The following TMEM87A variants were observed in gnomAD, a reference collection of about 807,000 sequenced individuals.
TMEM87A encodes transmembrane protein 87A, also known as Golgi-pH regulating cation channel.
TMEM87A carries 50 observed loss-of-function variants against 90.0 expected under a neutral mutation model. The observed-to-expected ratio is 0.56, with a 90% CI of 0.44 to 0.70. The LOEUF is 0.70. TMEM87A is among the 30% of genes least tolerant of loss of function. TMEM87A has a pLI of 0.00. For missense variants in TMEM87A, 577 were observed against 660.5 expected (o/e 0.87, Z 1.39); for synonymous variants, 226 against 226.7 (o/e 1.00, Z 0.03).
intron 10 of TMEM87A, 24 bp from the exon 11 acceptor site, chr15:42,233,330 T>G: frequency 6.3e-7 from 1 of 1,587,660 alleles, no homozygotes; most frequent in Non-Finnish European, 8.6e-7. Flanking sequence ...AAGGAGATAT[T>G]TGAGTACATA....
intron 10 of TMEM87A, among the ~76,000 whole-genome samples, chr15:42,234,103 AC>A (rs1026373109): frequency 6.6e-6 from 1 of 152,178 alleles, no homozygotes; most frequent in African/African-American, 2.4e-5. Context: ...CTTTTAAAAA[AC>A]ATCACCAAGA....
chr15:42,236,615 C>T (rs1254417959), intron 9 of TMEM87A, among the ~76,000 whole-genome samples, 196 bp from the exon 10 acceptor site: 1 of 152,198 alleles, frequency 6.6e-6, no homozygotes, highest in African/African-American at 2.4e-5. Flanking sequence ...CTATGTATGG[C>T]AATCTGGGTG....
At chr15:42,263,191 A>C (rs1245331185) in intron 4 of TMEM87A, among the ~76,000 whole-genome samples, 1 of 152,258 alleles carries the variant, frequency 6.6e-6, no homozygotes, top group Non-Finnish European at 1.5e-5. Flanking sequence ...AATGTGGTAC[A>C]TACATACAAT....
chr15:42,218,310 T>C lies in TMEM87A; in HGVS notation c.1595+13A>G, dbSNP rs190752353. 99 of 1,613,352 alleles carry C rather than the reference T, an allele frequency of 6.1e-5. No individual in the cohort carries two copies. In the East Asian group the frequency reaches 2.2e-3, roughly 35 times the overall value. ...TGAAATAGGATTCTTGTGGTAATCA[T>C]TCAAAAACTTACACATCTGTCACAG... On this transcript the variant is annotated intron_variant, in intron 18 of 19. Coordinates refer to ENST00000389834, the MANE Select transcript of TMEM87A (RefSeq NM_015497.5).
intron 16 of TMEM87A, 54 bp from the exon 17 acceptor site, chr15:42,219,696 T>C (rs1044218291): frequency 4.2e-5 from 52 of 1,225,736 alleles, no homozygotes; most frequent in Non-Finnish European, 5.9e-5. Flanking sequence ...ACCAACAATG[T>C]TGGCAAAACG....
chr15:42,214,142 C>A (rs2050342307), intron 19 of TMEM87A, among the ~76,000 whole-genome samples: 1 of 152,064 alleles, frequency 6.6e-6, no homozygotes, highest in African/African-American at 2.4e-5. Context: ...GAACACACAA[C>A]CTGGTAAGAC....
chr15:42,211,459 G>C lies in TMEM87A; in HGVS notation c.*249C>G. The C allele has an allele frequency of 4.9e-6, 2 of 410,028 alleles. No individual in the cohort carries two copies. The highest frequency in any genetic ancestry group is 5.4e-5 in the South Asian group (1 of 18,516). 25.4% of individuals were successfully genotyped at this position (410,028 alleles called of 1,614,324 possible). A position where few individuals can be genotyped will look rare whatever the true frequency, so the allele number is the denominator to read the frequency against. On this transcript the variant is annotated 3_prime_UTR_variant, in exon 20 of 20. Coordinates refer to ENST00000389834, the MANE Select transcript of TMEM87A (RefSeq NM_015497.5). ...AAGTTGCATGAACATCCATGTCAGA[G>C]TCTGGGAGGAAAGGGGGCAGCAGTG...
intron 2 of TMEM87A, among the ~76,000 whole-genome samples, chr15:42,269,179 G>A (rs1241536079): frequency 6.6e-6 from 1 of 152,094 alleles, no homozygotes; most frequent in Non-Finnish European, 1.5e-5. Context: ...TGATTAGCTG[G>A]AGGAAGTCAG....
At chr15:42,258,706 C>T (rs1265872324) in intron 6 of TMEM87A, 11 of 1,258,132 alleles carry the variant, frequency 8.7e-6, no homozygotes, top group South Asian at 2.2e-5. Context: ...GCATTACAGG[C>T]GTGAGCCACT....
intron 4 of TMEM87A, among the ~76,000 whole-genome samples, chr15:42,262,974 G>GT (rs1201649999): frequency 6.6e-6 from 1 of 152,158 alleles, no homozygotes; most frequent in Non-Finnish European, 1.5e-5. Context: ...CACGAAAAAT[G>GT]TATGATTATT....
rs764197804 is a variant in TMEM87A at position 42,272,075 on chromosome 15, T to C, written c.193A>G (p.Ile65Val). The stretch of plus-strand genomic sequence containing the variant: ...TTCAAAAACTCACACTTCAGGAAGA[T>C]AGTGGTATTTCTGAAGAGGATCTTT... The part of the protein sequence containing the change: ...FGKILFRNTT[I>V]FLKFDGEPCD... The change falls in exon 2 of 20, where the codon ATC becomes GTC. Residue 65 changes from isoleucine to valine, a missense_variant. Physicochemically the swap from Ile to Val is conservative, Grantham distance 29 (BLOSUM62 3). Coordinates refer to ENST00000389834, the MANE Select transcript of TMEM87A (RefSeq NM_015497.5). 45 of 1,604,742 alleles carry C rather than the reference T, an allele frequency of 2.8e-5. No homozygotes were observed. The highest frequency in any genetic ancestry group is 9.1e-5 in the South Asian group (8 of 88,228).
intron 15 of TMEM87A, among the ~76,000 whole-genome samples, chr15:42,220,713 C>T (rs2050463271): frequency 6.6e-6 from 1 of 152,152 alleles, no homozygotes; most frequent in Non-Finnish European, 1.5e-5. Flanking sequence ...TTAACAACTT[C>T]CAAGAGATTC....
intron 13 of TMEM87A, 34 bp from the exon 14 acceptor site, chr15:42,227,803 A>G: frequency 6.2e-7 from 1 of 1,600,348 alleles, no homozygotes; most frequent in Non-Finnish European, 8.6e-7. Context: ...TCAGAGTATG[A>G]ATGCTGGTTT....
intron 6 of TMEM87A, among the ~76,000 whole-genome samples, chr15:42,256,375 A>G (rs2051184849): frequency 6.6e-6 from 1 of 151,686 alleles, no homozygotes; most frequent in Non-Finnish European, 1.5e-5. Context: ...CCTGGCTTCA[A>G]GTGATTCACC....
intron 6 of TMEM87A, among the ~76,000 whole-genome samples, chr15:42,260,511 C>T (rs1231239884): frequency 1.3e-5 from 2 of 152,130 alleles, no homozygotes; most frequent in African/African-American, 4.8e-5. Context: ...AAATTTTTAA[C>T]TGGTGATGTT....
chr15:42,259,310 A>T lies in TMEM87A; in HGVS notation c.504+1648T>A, dbSNP rs547832581. 5.3e-5 allele frequency among the ~76,000 whole-genome samples: 8 copies of T among 152,180 alleles called. No homozygotes were observed. In the East Asian group the frequency reaches 1.6e-3, roughly 30 times the overall value. The stretch of plus-strand genomic sequence containing the variant: ...CCTAATTTTTGTATTTTTGGTAGAG[A>T]CGGGGTTTCACCACGTTGGCCAGGC... On this transcript the variant is annotated intron_variant, in intron 6 of 19. Coordinates refer to ENST00000389834, the MANE Select transcript of TMEM87A (RefSeq NM_015497.5).
At chr15:42,220,836 G>C (rs1229512869) in intron 15 of TMEM87A, among the ~76,000 whole-genome samples, 2 of 152,026 alleles carry the variant, frequency 1.3e-5, no homozygotes, top group African/African-American at 4.8e-5. Flanking sequence ...CTGTCGCCCA[G>C]GCTGGAGTGC....
chr15:42,233,230 C>A lies in TMEM87A; in HGVS notation c.1045G>T (p.Val349Phe). The A allele has an allele frequency of 6.2e-7, 1 of 1,613,816 alleles. No individual in the cohort carries two copies. The highest frequency in any genetic ancestry group is 8.5e-7 in the Non-Finnish European group (1 of 1,179,848). ...LYLLFSGMEG[V>F]LRVTGAQTDL... ...GTACTAACCCCAGTAACTCTGAGGA[C>A]CCCTTCCATGCCAGAGAACAAAAGA... The change falls in exon 11 of 20, where the codon GTC (valine) becomes TTC (phenylalanine). Residue 349 changes from valine to phenylalanine, a missense_variant. Transcript: ENST00000389834.
In TMEM87A at chr15:42,233,195, A is replaced by G. The variant is rs2050715369; in HGVS notation, c.1062+18T>C. 1 of 1,588,314 alleles carries G rather than the reference A, an allele frequency of 6.3e-7. No individual in the cohort carries two copies. The highest frequency in any genetic ancestry group is 8.6e-7 in the Non-Finnish European group (1 of 1,157,118). ...ATAATTGAACTGACCACAGAAAATG[A>G]GATTAAGCAGTACTAACCCCAGTAA... is the stretch of plus-strand genomic sequence containing the variant. On this transcript the variant is annotated intron_variant, in intron 11 of 19. Coordinates refer to ENST00000389834, the MANE Select transcript of TMEM87A (RefSeq NM_015497.5).
Sources: allele counts gnomAD v4.1 joint callset (sites outside exome capture counted in the v4.1 genomes callset), GRCh38; gene constraint gnomAD v4.1.1; transcripts MANE v1.5; gene names NCBI Gene and HGNC (gene_info 2026-07-23, HGNC 2026-07-21).